Variants in TMEM184B observed in about 807,000 individuals in gnomAD.
TMEM184B encodes the protein transmembrane protein 184B.
A neutral mutation model predicts 41.8 loss-of-function variants in TMEM184B; 17 were observed. The observed-to-expected ratio is 0.41, with a 90% CI of 0.28 to 0.61. TMEM184B has a LOEUF of 0.61. Among genes scored for constraint, TMEM184B ranks in the 20% least tolerant of loss-of-function variants. The pLI is 0.34. For missense variants in TMEM184B, 393 were observed against 557.8 expected (o/e 0.70, Z 2.98); for synonymous variants, 240 against 229.5 (o/e 1.05, Z -0.41).
chr22:38,217,641 CA>C (rs1042214098), downstream of TMEM184B, among the ~76,000 whole-genome samples: 1,380 of 133,524 alleles, frequency 0.01, 23 homozygotes, highest in African/African-American at 0.035. Flanking sequence ...GACTCCGTCT[CA>C]AAAAAAAAAA....
intron 8 of TMEM184B, chr22:38,222,652 G>A (rs572370148): frequency 1.5e-5 from 15 of 985,580 alleles, no homozygotes; most frequent in Non-Finnish European, 1.7e-5. Context: ...CGTAAGGGCC[G>A]TATGTTGGCA....
At chr22:38,235,397 T>G (rs527290159) in intron 3 of TMEM184B, among the ~76,000 whole-genome samples, 14 of 152,338 alleles carry the variant, frequency 9.2e-5, no homozygotes, top group African/African-American at 3.4e-4. Context: ...TCGTGTCCTT[T>G]CCTGCATCAA....
At chr22:38,268,135 C>T (rs528574313) in intron 1 of TMEM184B, among the ~76,000 whole-genome samples, 1 of 152,190 alleles carries the variant, frequency 6.6e-6, no homozygotes, top group African/African-American at 2.4e-5. Context: ...GTAATCCCAA[C>T]ACTTTGGGAG....
In TMEM184B at chr22:38,219,863, G is replaced by C; in HGVS notation, c.*1606C>G. On this transcript the variant is annotated 3_prime_UTR_variant, in exon 9 of 9. Transcript: ENST00000361906. Reference sequence around the variant, plus strand: ...AACTGCTCCGCCCCCCCAAGATGGAGGGGGAGAGCTGGCCTCTGGCACCCA... The same window carrying C: ...AACTGCTCCGCCCCCCCAAGATGGACGGGGAGAGCTGGCCTCTGGCACCCA... 1.0e-6 allele frequency: 1 copy of C among 985,500 alleles called. No homozygotes were observed. Among genetic ancestry groups the C allele is most frequent in the Middle Eastern group, 5.2e-4 (1 of 1,914 alleles). The allele number at this position is 985,500 out of a possible 1,614,324, so 61.0% of individuals were successfully genotyped here. A position where few individuals can be genotyped will look rare whatever the true frequency, so the allele number is the denominator to read the frequency against.
chr22:38,270,276 G>A lies in TMEM184B; in HGVS notation c.-59+2608C>T, dbSNP rs575146010. ...GTTATGGGGGAGGAGCATGGGCTCT[G>A]AGGTCAGACCTACTGGTTCAAAACT... is the stretch of plus-strand genomic sequence containing the variant. On this transcript the variant is annotated intron_variant, in intron 1 of 8. Transcript: ENST00000361906. 1.6e-4 allele frequency among the ~76,000 whole-genome samples: 25 copies of A among 152,312 alleles called. 1 individual carries two copies. In the South Asian group the frequency reaches 5.2e-3, roughly 32 times the overall value.
At position 38,220,240 on chromosome 22, in the gene TMEM184B, T is replaced by G; in HGVS notation, c.*1229A>C. The stretch of plus-strand genomic sequence containing the variant: ...GAGGGGGAGAGGAGGGGCTTGGTGG[T>G]CCTGACCACTCCTGAGGCCTGTCCA... On this transcript the variant is annotated 3_prime_UTR_variant, in exon 9 of 9. Coordinates refer to ENST00000361906, the MANE Select transcript of TMEM184B (RefSeq NM_012264.5). 1 of 985,700 alleles carries G rather than the reference T, an allele frequency of 1.0e-6. No homozygotes were observed. The highest frequency in any genetic ancestry group is 1.2e-6 in the Non-Finnish European group (1 of 829,988). 61.1% of individuals were successfully genotyped at this position (985,700 alleles called of 1,614,324 possible). A position where few individuals can be genotyped will look rare whatever the true frequency, so the allele number is the denominator to read the frequency against.
chr22:38,236,339 C>T (rs1033422713), intron 3 of TMEM184B, among the ~76,000 whole-genome samples: 2 of 152,242 alleles, frequency 1.3e-5, no homozygotes, highest in African/African-American at 4.8e-5. Context: ...AAAACAAGGA[C>T]TGTGCTGGGG....
At chr22:38,245,530 G>T (rs989881336) in intron 3 of TMEM184B, among the ~76,000 whole-genome samples, 1 of 146,630 alleles carries the variant, frequency 6.8e-6, no homozygotes, top group Non-Finnish European at 1.5e-5. Flanking sequence ...ACTAAGAAGC[G>T]AGACCCAGGG....
In TMEM184B at chr22:38,225,693, A is replaced by G. The variant is rs928971075; in HGVS notation, c.618-100T>C. ...CAGTCCCCATGGCTCTCAGCCCCAC[A>G]CCTCCAGCAGAGCTCAACGAGCCAC... On this transcript the variant is annotated intron_variant, in intron 6 of 8. Coordinates refer to ENST00000361906, the MANE Select transcript of TMEM184B (RefSeq NM_012264.5). This position sits in a 1 kb window ranked among gnomAD's most constrained non-coding sequence, Gnocchi z 4.4. 4 of 1,303,154 alleles carry G rather than the reference A, an allele frequency of 3.1e-6. No individual in the cohort carries two copies. The highest frequency in any genetic ancestry group is 3.0e-6 in the Non-Finnish European group (3 of 987,348). 80.7% of individuals were successfully genotyped at this position (1,303,154 alleles called of 1,614,324 possible). A position where few individuals can be genotyped will look rare whatever the true frequency, so the allele number is the denominator to read the frequency against.
chr22:38,230,912 C>T (rs1046201058), intron 4 of TMEM184B, among the ~76,000 whole-genome samples, 168 bp from the exon 5 acceptor site: 6 of 152,096 alleles, frequency 3.9e-5, no homozygotes, highest in Non-Finnish European at 5.9e-5. Context: ...GCAGGGCATC[C>T]GCACATGCCA....
At position 38,221,116 on chromosome 22, in the gene TMEM184B, G is replaced by A. The variant is rs989046282; in HGVS notation, c.*353C>T. The A allele has an allele frequency of 1.3e-5, 15 of 1,121,882 alleles. No homozygotes were observed. In the African/African-American group the frequency reaches 2.0e-4, roughly 15 times the overall value. 69.5% of individuals were successfully genotyped at this position (1,121,882 alleles called of 1,614,324 possible). On this transcript the variant is annotated 3_prime_UTR_variant, in exon 9 of 9. Transcript: ENST00000361906. ...GCCTGAGAGTCTCGCGGGGAGGAGGGGCTAGAAGGCTGCAGCCGCTGGTCC... is the reference window on the plus strand; with the variant it reads ...GCCTGAGAGTCTCGCGGGGAGGAGGAGCTAGAAGGCTGCAGCCGCTGGTCC...
chr22:38,245,805 T>C (rs1602437083), intron 3 of TMEM184B, 130 bp downstream of exon 3: 1 of 967,820 alleles, frequency 1.0e-6, no homozygotes, highest in Non-Finnish European at 1.5e-6. Context: ...ACAGAAACCC[T>C]GTAGTAGGTA....
In TMEM184B at chr22:38,272,817, G is replaced by GC. The variant is rs920558247; in HGVS notation, c.-59+66dup. 8.6e-6 allele frequency: 8 copies of GC among 930,216 alleles called. No individual in the cohort carries two copies. In the African/African-American group the frequency reaches 9.1e-5, roughly 11 times the overall value. 57.6% of individuals were successfully genotyped at this position (930,216 alleles called of 1,614,324 possible). A position where few individuals can be genotyped will look rare whatever the true frequency, so the allele number is the denominator to read the frequency against. On this transcript the variant is annotated intron_variant, in intron 1 of 8. Transcript: ENST00000361906. ...CGCGCGGGCCTCTCCGAAACAAGCA[G>GC]CCCCCCGCGCTCGGGAGTCGCAGCT...
intron 3 of TMEM184B, among the ~76,000 whole-genome samples, chr22:38,234,299 C>A (rs2091714239): frequency 6.6e-6 from 1 of 152,158 alleles, no homozygotes; most frequent in East Asian, 1.9e-4. Context: ...CACGAGCTAG[C>A]CTTTGGAGAC....
chr22:38,250,401 C>T (rs2092136629), intron 1 of TMEM184B, among the ~76,000 whole-genome samples: 2 of 152,196 alleles, frequency 1.3e-5, no homozygotes, highest in Admixed American at 1.3e-4. Context: ...GAGACTAAAA[C>T]TCAAAACTGG....
chr22:38,236,975 G>A (rs1338065244), intron 3 of TMEM184B, among the ~76,000 whole-genome samples: 5 of 152,030 alleles, frequency 3.3e-5, no homozygotes, highest in South Asian at 2.1e-4. Flanking sequence ...CCTGTTTGTC[G>A]CCCTCCCAAA....
intron 5 of TMEM184B, among the ~76,000 whole-genome samples, chr22:38,229,662 G>C (rs979146170): frequency 1.5e-5 from 2 of 132,484 alleles, no homozygotes; most frequent in African/African-American, 6.2e-5. Flanking sequence ...CAGGAAGCTA[G>C]AGTGGCTGGA....
intron 8 of TMEM184B, chr22:38,222,575 C>T (rs187907723): frequency 4.1e-5 from 40 of 984,226 alleles, no homozygotes; most frequent in Middle Eastern, 1.0e-3. Flanking sequence ...TACAGAGAGA[C>T]GCATGCCAGT....
chr22:38,257,711 G>A (rs1296178837), intron 1 of TMEM184B, among the ~76,000 whole-genome samples: 1 of 152,162 alleles, frequency 6.6e-6, no homozygotes, highest in Admixed American at 6.5e-5. Flanking sequence ...CACTGAAACA[G>A]TAAAGTAATA....
Sources: gnomAD v4.1 joint callset for allele counts (sites outside exome capture counted in the v4.1 genomes callset) on GRCh38, gnomAD v4.1.1 for gene constraint, Gnocchi (gnomAD v3.1) non-coding constraint, MANE v1.5 for transcripts, NCBI Gene and HGNC (gene_info 2026-07-23, HGNC 2026-07-21) for gene names.